The following CBLN3 variants were observed in gnomAD, a reference collection of about 807,000 sequenced individuals.
CBLN3 encodes cerebellin 3 precursor, also known as cerebellin-3.
A neutral mutation model predicts 17.4 loss-of-function variants in CBLN3; 14 were observed. That is an observed-to-expected ratio of 0.81 (90% CI 0.53 to 1.26). CBLN3 has a LOEUF of 1.26. CBLN3 is among the 50% of genes most tolerant of loss of function. CBLN3 has a pLI of 0.00. For missense variants in CBLN3, 263 were observed against 268.5 expected (o/e 0.98, Z 0.14); for synonymous variants, 129 against 117.4 (o/e 1.10, Z -0.64).
chr14:24,428,436 T>C, intron 1 of CBLN3, 31 bp from the exon 2 acceptor site: 1 of 1,611,976 alleles, frequency 6.2e-7, no homozygotes, highest in South Asian at 1.1e-5. Context: ...TGAGTGGGGC[T>C]CAGGAAATGC....
chr14:24,428,036 A>AC (rs772214814), intron 2 of CBLN3, 50 bp from the exon 3 acceptor site: 1 of 1,557,704 alleles, frequency 6.4e-7, no homozygotes, highest in South Asian at 1.1e-5. Flanking sequence ...TTAGCTCAGG[A>AC]CCCCCCACTT....
Position 24,427,700 on chromosome 14 carries a change from C to A in CBLN3, c.*89G>T. 8.2e-7 allele frequency: 1 copy of A among 1,219,578 alleles called. No homozygotes were observed. 75.5% of individuals were successfully genotyped at this position (1,219,578 alleles called of 1,614,324 possible). The stretch of plus-strand genomic sequence containing the variant: ...AGGTGGGATAGGAGCCAGAGGGAGT[C>A]TCTCTCCTGCCTCTGCTGTTTCTGG... On this transcript the variant is annotated 3_prime_UTR_variant, in exon 3 of 3. Transcript: ENST00000267406. The surrounding 1 kb of genome is among the most constrained non-coding windows in gnomAD (Gnocchi z 4.4).
chr14:24,428,013 C>T (rs1346379935), intron 2 of CBLN3, 27 bp from the exon 3 acceptor site: 1 of 1,604,480 alleles, frequency 6.2e-7, no homozygotes, highest in African/African-American at 1.3e-5. Flanking sequence ...AGTTAGCCCC[C>T]ATTCCCCAGC....
rs557444186 is a variant in CBLN3, at chr14:24,427,631, T to C, written c.*158A>G. 2 of 730,786 alleles carry C rather than the reference T, an allele frequency of 2.7e-6. No homozygotes were observed. The highest frequency in any genetic ancestry group is 1.8e-5 in the African/African-American group (1 of 57,110). 45.3% of individuals were successfully genotyped at this position (730,786 alleles called of 1,614,324 possible). A position where few individuals can be genotyped will look rare whatever the true frequency, so the allele number is the denominator to read the frequency against. On this transcript the variant is annotated 3_prime_UTR_variant, in exon 3 of 3. Coordinates refer to ENST00000267406, the MANE Select transcript of CBLN3 (RefSeq NM_001039771.3). This position sits in a 1 kb window ranked among gnomAD's most constrained non-coding sequence, Gnocchi z 4.4. Reference sequence around the variant, plus strand: ...TGGTCTGGAGATGCCACAGCTCTACTCTTCTCTTAAACTTGGGTGTTTGGC... The same window carrying C: ...TGGTCTGGAGATGCCACAGCTCTACCCTTCTCTTAAACTTGGGTGTTTGGC...
At chr14:24,428,095 G>C (rs1206364144) in intron 2 of CBLN3, 109 bp from the exon 3 acceptor site, 6 of 1,355,194 alleles carry the variant, frequency 4.4e-6, no homozygotes, top group African/African-American at 1.4e-5. Context: ...GCTCTCCCGG[G>C]AGGGCTGAGG....
At position 24,429,352 on chromosome 14, in the gene CBLN3, C is replaced by T. The variant is rs2273632; in HGVS notation, c.-298G>A. The T allele has an allele frequency of 0.7, 449,984 of 640,384 alleles. 160,325 individuals are homozygous for T. Among genetic ancestry groups the T allele is most frequent in the Admixed American group, 0.77 (36,066 of 46,908 alleles). 39.7% of individuals were successfully genotyped at this position (640,384 alleles called of 1,614,324 possible). Reference sequence around the variant, plus strand: ...GAGGGCTGCAGCCAGAGCTTCAGGGCAGCCCTGCTGGATGGGACAGCACTG... The same window carrying T: ...GAGGGCTGCAGCCAGAGCTTCAGGGTAGCCCTGCTGGATGGGACAGCACTG... On this transcript the variant is annotated 5_prime_UTR_variant, in exon 1 of 3. Coordinates refer to ENST00000267406, the MANE Select transcript of CBLN3 (RefSeq NM_001039771.3).
In CBLN3 at chr14:24,428,278, G is replaced by A; in HGVS notation, c.420+8C>T. 9 of 1,613,520 alleles carry A rather than the reference G, an allele frequency of 5.6e-6. No homozygotes were observed. The highest frequency in any genetic ancestry group is 6.8e-6 in the Non-Finnish European group (8 of 1,179,872). The stretch of plus-strand genomic sequence containing the variant: ...TGAGCCGGGGATGGGGGCCAGTGCT[G>A]AGGTCACCTGGACAGTTTGGCGGTT... On this transcript the variant is annotated splice_region_variant and intron_variant, in intron 2 of 2. Transcript: ENST00000267406.
In CBLN3 at chr14:24,426,796, A is replaced by G. The variant is rs1202330229; in HGVS notation, c.*993T>C. 1 of 152,330 alleles carries G rather than the reference A, an allele frequency of 6.6e-6. No homozygotes were observed. The highest frequency in any genetic ancestry group is 1.5e-5 in the Non-Finnish European group (1 of 68,138). 9.4% of individuals were successfully genotyped at this position (152,330 alleles called of 1,614,324 possible). On this transcript the variant is annotated 3_prime_UTR_variant, in exon 3 of 3. Transcript: ENST00000267406. ...AGGAATGAATCATGGAATCCCAGGT[A>G]ATAGGAAGCCTAAGGAGGAGAATAA...
chr14:24,428,009 C>T (rs769703763), intron 2 of CBLN3, 23 bp from the exon 3 acceptor site: 9 of 1,604,632 alleles, frequency 5.6e-6, no homozygotes, highest in Non-Finnish European at 7.7e-6. Context: ...GCCCAGTTAG[C>T]CCCCATTCCC....
At position 24,427,538 on chromosome 14, in the gene CBLN3, G is replaced by A. The variant is rs2043031921; in HGVS notation, c.*251C>T. ...TTGCCAAACCTTGCCCTGATCCTAG[G>A]GCTGCAGGCAGGAACAGATGCAGCA... On this transcript the variant is annotated 3_prime_UTR_variant, in exon 3 of 3. Transcript: ENST00000267406. The surrounding 1 kb of genome is among the most constrained non-coding windows in gnomAD (Gnocchi z 4.4). The A allele has an allele frequency of 3.9e-6, 2 of 518,488 alleles. No individual in the cohort carries two copies. The highest frequency in any genetic ancestry group is 7.0e-6 in the Non-Finnish European group (2 of 287,496). 32.1% of individuals were successfully genotyped at this position (518,488 alleles called of 1,614,324 possible).
At chr14:24,428,112 C>T (rs2043041068) in intron 2 of CBLN3, 126 bp from the exon 3 acceptor site, 1 of 1,313,124 alleles carries the variant, frequency 7.6e-7, no homozygotes, top group Non-Finnish European at 1.1e-6. Context: ...GAGGGGCGGC[C>T]AGCATTGGAC....
In CBLN3 at chr14:24,429,607, C is replaced by T. The variant is rs2043067014; in HGVS notation, c.-553G>A. 1.0e-6 allele frequency: 1 copy of T among 958,706 alleles called. No homozygotes were observed. The highest frequency in any genetic ancestry group is 1.8e-5 in the African/African-American group (1 of 56,338). 59.4% of individuals were successfully genotyped at this position (958,706 alleles called of 1,614,324 possible). A position where few individuals can be genotyped will look rare whatever the true frequency, so the allele number is the denominator to read the frequency against. The stretch of plus-strand genomic sequence containing the variant: ...CTCCGCCTCCCGCCTCCCGCCTACC[C>T]CCTCCGCCACGATTGCTTTGGTGGA... On this transcript the variant is annotated 5_prime_UTR_variant, in exon 1 of 3. Transcript: ENST00000267406.
Position 24,429,188 on chromosome 14 carries a change from C to T in CBLN3, c.-134G>A. The stretch of plus-strand genomic sequence containing the variant: ...AGGCTCGCTGAACCCCCTCTCCATA[C>T]CTGTGTCCCAGCTCTGTCCTGCCTC... On this transcript the variant is annotated 5_prime_UTR_variant, in exon 1 of 3. Transcript: ENST00000267406. The T allele has an allele frequency of 1.1e-6, 1 of 899,620 alleles. No homozygotes were observed. The highest frequency in any genetic ancestry group is 2.8e-5 in the Admixed American group (1 of 35,236). The allele number at this position is 899,620 out of a possible 1,614,324, so 55.7% of individuals were successfully genotyped here.
chr14:24,429,407 G>C lies in CBLN3; in HGVS notation c.-353C>G, dbSNP rs1566494525. 1 of 568,974 alleles carries C rather than the reference G, an allele frequency of 1.8e-6. No homozygotes were observed. Among genetic ancestry groups the C allele is most frequent in the Admixed American group, 2.2e-5 (1 of 45,764 alleles). The allele number at this position is 568,974 out of a possible 1,614,324, so 35.2% of individuals were successfully genotyped here. A position where few individuals can be genotyped will look rare whatever the true frequency, so the allele number is the denominator to read the frequency against. Reference sequence around the variant, plus strand: ...CTGGACCTGGGGGGATGGAGAACATGGTATGTGTGTGTGACGGGTGTGACA... The same window carrying C: ...CTGGACCTGGGGGGATGGAGAACATCGTATGTGTGTGTGACGGGTGTGACA... On this transcript the variant is annotated 5_prime_UTR_variant, in exon 1 of 3. Transcript: ENST00000267406.
Position 24,429,629 on chromosome 14 carries a change from T to C in CBLN3, c.-575A>G. 9.1e-7 allele frequency: 1 copy of C among 1,103,882 alleles called. No homozygotes were observed. The highest frequency in any genetic ancestry group is 1.1e-6 in the Non-Finnish European group (1 of 870,834). 68.4% of individuals were successfully genotyped at this position (1,103,882 alleles called of 1,614,324 possible). ...ACCCCCTCCGCCACGATTGCTTTGG[T>C]GGAAAGTGCTTGGGCCTAGAGCACC... On this transcript the variant is annotated 5_prime_UTR_variant, in exon 1 of 3. Transcript: ENST00000267406.
chr14:24,429,601 C>G lies in CBLN3; in HGVS notation c.-547G>C. 1 of 914,908 alleles carries G rather than the reference C, an allele frequency of 1.1e-6. No homozygotes were observed. Among genetic ancestry groups the G allele is most frequent in the Non-Finnish European group, 1.4e-6 (1 of 695,088 alleles). 56.7% of individuals were successfully genotyped at this position (914,908 alleles called of 1,614,324 possible). On this transcript the variant is annotated 5_prime_UTR_variant, in exon 1 of 3. Coordinates refer to ENST00000267406, the MANE Select transcript of CBLN3 (RefSeq NM_001039771.3). ...GGTACCCTCCGCCTCCCGCCTCCCG[C>G]CTACCCCCTCCGCCACGATTGCTTT...
In CBLN3 at chr14:24,429,051, A is replaced by C; in HGVS notation, c.4T>G (p.Leu2Val). The C allele has an allele frequency of 6.7e-7, 1 of 1,501,256 alleles. No homozygotes were observed. The highest frequency in any genetic ancestry group is 2.3e-5 in the Admixed American group (1 of 44,132). The allele number at this position is 1,501,256 out of a possible 1,614,324, so 93.0% of individuals were successfully genotyped here. A position where few individuals can be genotyped will look rare whatever the true frequency, so the allele number is the denominator to read the frequency against. ...GGTAGCCAGTGTGGCTTGGCTCCCA[A>C]CATGGCTGAGGGGCTCTGCAACCCA... M[L>V]GAKPHWLPGP... is the part of the protein sequence containing the mutation. Residue 2 changes from leucine to valine, a missense_variant, in exon 1 of 3, where the codon TTG becomes GTG. Coordinates refer to ENST00000267406, the MANE Select transcript of CBLN3 (RefSeq NM_001039771.3).
Position 24,427,989 on chromosome 14 carries a change from G to A in CBLN3, c.421-3C>T. 6.2e-7 allele frequency: 1 copy of A among 1,611,884 alleles called. No homozygotes were observed. Among genetic ancestry groups the A allele is most frequent in the Non-Finnish European group, 8.5e-7 (1 of 1,179,172 alleles). On this transcript the variant is annotated splice_polypyrimidine_tract_variant and splice_region_variant and intron_variant, in intron 2 of 2. Coordinates refer to ENST00000267406, the MANE Select transcript of CBLN3 (RefSeq NM_001039771.3). The surrounding 1 kb of genome is among the most constrained non-coding windows in gnomAD (Gnocchi z 4.4). ...CACGTGTTCAGCATCAGGCTCACCT[G>A]GGGAGGGGAGCCCAGTTAGCCCCCA... is the stretch of plus-strand genomic sequence containing the variant.
chr14:24,428,525 T>G, intron 1 of CBLN3, 120 bp from the exon 2 acceptor site: 1 of 1,253,350 alleles, frequency 8.0e-7, no homozygotes, highest in Non-Finnish European at 1.1e-6. Context: ...TAGGAGTGAA[T>G]AGGAGTGAAC....
Sources: allele counts gnomAD v4.1 joint callset, GRCh38; gene constraint gnomAD v4.1.1; non-coding constraint Gnocchi (gnomAD v3.1); transcripts MANE v1.5; gene names NCBI Gene and HGNC (gene_info 2026-07-23, HGNC 2026-07-21).